Variants in SULF1 observed in about 807,000 individuals in gnomAD.
SULF1 encodes the protein extracellular sulfatase Sulf-1.
A neutral mutation model predicts 110.5 loss-of-function variants in SULF1; 46 were observed. That is an observed-to-expected ratio of 0.42 (90% CI 0.33 to 0.53). SULF1 has a LOEUF of 0.53. Ranked by LOEUF, SULF1 falls within the 20% of genes least tolerant of loss-of-function variation. SULF1 has a pLI of 0.12. For missense variants in SULF1, 941 were observed against 1,094.2 expected (o/e 0.86, Z 1.98); for synonymous variants, 371 against 387.1 (o/e 0.96, Z 0.49).
chr8:69,489,079 G>T (rs1809812197), upstream of SULF1, among the ~76,000 whole-genome samples: 1 of 152,118 alleles, frequency 6.6e-6, no homozygotes, highest in Non-Finnish European at 1.5e-5. Flanking sequence ...TCACAGTTAG[G>T]CCTTGGGGGG....
Position 69,563,740 on chromosome 8 carries a change from T to G in SULF1, c.-61+129T>G. The G allele has an allele frequency of 6.7e-6, 3 of 446,320 alleles. No individual in the cohort carries two copies. In the East Asian group the frequency reaches 1.0e-4, roughly 16 times the overall value. The allele number at this position is 446,320 out of a possible 1,614,324, so 27.6% of individuals were successfully genotyped here. A position where few individuals can be genotyped will look rare whatever the true frequency, so the allele number is the denominator to read the frequency against. ...AAAGTGAATTTGCAAAATAATCAAGTGCTTAAAAAACTACCCAGCACTTGT... is the reference window on the plus strand; with the variant it reads ...AAAGTGAATTTGCAAAATAATCAAGGGCTTAAAAAACTACCCAGCACTTGT... On this transcript the variant is annotated intron_variant, in intron 4 of 22. Coordinates refer to ENST00000402687, the MANE Select transcript of SULF1 (RefSeq NM_001128205.2).
chr8:69,587,515 C>T (rs1320084914), intron 7 of SULF1, among the ~76,000 whole-genome samples: 1 of 152,204 alleles, frequency 6.6e-6, no homozygotes, highest in African/African-American at 2.4e-5. Flanking sequence ...TGCTAATAGG[C>T]TTCCAAACTC....
At chr8:69,597,785 C>A (rs1334243910) in intron 8 of SULF1, among the ~76,000 whole-genome samples, 1 of 152,132 alleles carries the variant, frequency 6.6e-6, no homozygotes, top group Non-Finnish European at 1.5e-5. Flanking sequence ...ACATCAAAGG[C>A]AATAAGTAGA....
intron 22 of SULF1, chr8:69,642,242 AC>A (rs1174013415): frequency 1.0e-6 from 1 of 987,054 alleles, no homozygotes; most frequent in African/African-American, 1.7e-5. Flanking sequence ...TGTTCCTGGT[AC>A]CCTGTTCGGC....
At chr8:69,555,865 C>A (rs1357657589) in intron 3 of SULF1, among the ~76,000 whole-genome samples, 1 of 152,054 alleles carries the variant, frequency 6.6e-6, no homozygotes, top group East Asian at 1.9e-4. Context: ...ATCTAATTGT[C>A]TTTTTAAAAA....
At chr8:69,647,824 G>A (rs1045731920) in intron 22 of SULF1, among the ~76,000 whole-genome samples, 3 of 151,976 alleles carry the variant, frequency 2.0e-5, no homozygotes, top group East Asian at 1.9e-4. Context: ...CCCAGGAGGC[G>A]GAGGTTGCAA....
rs568861787 is a variant in SULF1 at position 69,605,840 on chromosome 8, A to G, written c.1377+908A>G. ...GTAGCATTTACTCAATTTAATCCTCACAACTGTAGAGTGAGGTGGGCATTG... is the reference window on the plus strand; with the variant it reads ...GTAGCATTTACTCAATTTAATCCTCGCAACTGTAGAGTGAGGTGGGCATTG... On this transcript the variant is annotated intron_variant, in intron 13 of 22. Coordinates refer to ENST00000402687, the MANE Select transcript of SULF1 (RefSeq NM_001128205.2). 3.1e-4 allele frequency among the ~76,000 whole-genome samples: 47 copies of G among 152,314 alleles called. 1 individual carries two copies. The highest frequency in any genetic ancestry group is 1.1e-3 in the African/African-American group (44 of 41,552).
chr8:69,603,688 A>C lies in SULF1; in HGVS notation c.1247+32A>C, dbSNP rs183288428. On this transcript the variant is annotated intron_variant, in intron 12 of 22. Coordinates refer to ENST00000402687, the MANE Select transcript of SULF1 (RefSeq NM_001128205.2). ...ATTGGTTCCTGGGGTGCTTCTGGGA[A>C]CCAGTCCTAGTGGGCAGCTTTCCCT... 3 of 1,497,600 alleles carry C rather than the reference A, an allele frequency of 2.0e-6. No homozygotes were observed. The African/African-American group carries it at 4.1e-5, about 21-fold the overall frequency. The allele number at this position is 1,497,600 out of a possible 1,614,324, so 92.8% of individuals were successfully genotyped here.
chr8:69,468,879 C>T (rs181887939), intron 1 of SULF1, among the ~76,000 whole-genome samples: 4 of 152,296 alleles, frequency 2.6e-5, no homozygotes, highest in Admixed American at 2.0e-4. Flanking sequence ...TATTTAGCAA[C>T]AGGTGCCCCA....
At chr8:69,582,101 C>T (rs1291565422) in intron 6 of SULF1, among the ~76,000 whole-genome samples, 2 of 151,982 alleles carry the variant, frequency 1.3e-5, no homozygotes, top group Non-Finnish European at 2.9e-5. Context: ...ACAAAATATC[C>T]TACAAAGTAA....
chr8:69,480,154 A>G (rs1809458690), intron 1 of SULF1, among the ~76,000 whole-genome samples: 1 of 152,218 alleles, frequency 6.6e-6, no homozygotes, highest in African/African-American at 2.4e-5. Context: ...ATACACTTAA[A>G]GAACACACTA....
At chr8:69,474,782 C>T (rs1198923051) in intron 1 of SULF1, among the ~76,000 whole-genome samples, 1 of 152,130 alleles carries the variant, frequency 6.6e-6, no homozygotes, top group African/African-American at 2.4e-5. Flanking sequence ...TACTTTGACT[C>T]AGTTTCCTTC....
At chr8:69,609,324 C>T (rs1866899) in intron 13 of SULF1, among the ~76,000 whole-genome samples, 77,143 of 151,942 alleles carry the variant, frequency 0.51, 20,305 homozygotes, top group East Asian at 0.73. Context: ...CCAGCCTGGG[C>T]GACTGAGTGA....
intron 3 of SULF1, among the ~76,000 whole-genome samples, chr8:69,548,779 G>A (rs888363631): frequency 5.3e-5 from 8 of 151,316 alleles, no homozygotes; most frequent in African/African-American, 2.0e-4. Context: ...TAATATTGAG[G>A]ACCCAGAGCC....
At chr8:69,506,947 G>T (rs1811240064) in intron 3 of SULF1, among the ~76,000 whole-genome samples, 1 of 152,234 alleles carries the variant, frequency 6.6e-6, no homozygotes, top group Non-Finnish European at 1.5e-5. Flanking sequence ...AAGTTGGTAT[G>T]AGACATTACT....
chr8:69,501,334 C>T (rs1810784016), intron 2 of SULF1, among the ~76,000 whole-genome samples: 1 of 152,148 alleles, frequency 6.6e-6, no homozygotes, highest in African/African-American at 2.4e-5. Context: ...GGAATTTCCT[C>T]ATATTCAAAG....
intron 1 of SULF1, among the ~76,000 whole-genome samples, chr8:69,493,445 C>T (rs958121213): frequency 3.0e-5 from 4 of 133,304 alleles, no homozygotes; most frequent in Admixed American, 1.6e-4. Context: ...ACACACACAA[C>T]ACTACACACA....
intron 13 of SULF1, among the ~76,000 whole-genome samples, chr8:69,610,376 G>C (rs73686107): frequency 0.047 from 7,123 of 152,224 alleles, 443 homozygotes; most frequent in African/African-American, 0.14. Context: ...CATTTACCAT[G>C]GAGATCCTCC....
intron 13 of SULF1, among the ~76,000 whole-genome samples, chr8:69,620,797 G>A (rs887288886): frequency 1.3e-5 from 2 of 152,200 alleles, no homozygotes; most frequent in Non-Finnish European, 2.9e-5. Context: ...TAGTGACATT[G>A]AGGTAGTTTG....
Sources: allele counts gnomAD v4.1 joint callset (sites outside exome capture counted in the v4.1 genomes callset), GRCh38; gene constraint gnomAD v4.1.1; transcripts MANE v1.5; gene names NCBI Gene and HGNC (gene_info 2026-07-23, HGNC 2026-07-21).